Variants in GRK3 observed in about 807,000 individuals in gnomAD.
The protein encoded by GRK3 is G protein-coupled receptor kinase 3, also known as adrenergic, beta, receptor kinase 2.
In GRK3, 54 loss-of-function variants were observed where a neutral mutation model predicts 95.7. That is an observed-to-expected ratio of 0.56 (90% confidence interval 0.45 to 0.71). The LOEUF (loss-of-function observed/expected upper bound fraction) is 0.71, where lower values mean the gene tolerates loss of function less well. GRK3 is among the 30% of genes least tolerant of loss of function. The probability of loss-of-function intolerance (pLI) is 0.00; values close to 1 mark genes in which losing one functional copy is unlikely to be tolerated. For missense variants in GRK3, 649 were observed against 851.2 expected, an observed-to-expected ratio of 0.76 and a Z score of 2.96; for synonymous variants, 281 against 290.8, an observed-to-expected ratio of 0.97 and a Z score of 0.34.
At chr22:25,681,977 C>T (rs940303932) in intron 9 of GRK3, among the ~76,000 whole-genome samples, 1 of 152,150 alleles carries the variant, frequency 6.6e-6, no homozygotes, top group African/African-American at 2.4e-5. Context: ...CTGGACTCCA[C>T]ATGAAACCCA....
chr22:25,645,576 C>A (rs2084775243), intron 3 of GRK3, among the ~76,000 whole-genome samples: 1 of 152,166 alleles, frequency 6.6e-6, no homozygotes, highest in Admixed American at 6.5e-5. Flanking sequence ...GACTCCAGTG[C>A]TAAGGAAATA....
intron 1 of GRK3, among the ~76,000 whole-genome samples, chr22:25,591,633 C>T (rs1427476811): frequency 2.6e-5 from 4 of 151,972 alleles, no homozygotes; most frequent in Admixed American, 1.3e-4. Flanking sequence ...AAATTTCAAG[C>T]GTTTTTGGAG....
rs543174931 is a variant in GRK3, at chr22:25,624,115, CT to C, written c.190+19670del. The stretch of plus-strand genomic sequence containing the variant: ...TCAGGTACCCAGAACTTGCCTCCAT[CT>C]TTTTTTTCCTTATCTTTTAATTTCA... On this transcript the variant is annotated intron_variant, in intron 2 of 20. Transcript: ENST00000324198. Among the ~76,000 whole-genome samples, 95 of 152,126 alleles carry C rather than the reference CT, an allele frequency of 6.2e-4. 1 individual carries two copies. Among genetic ancestry groups the C allele is most frequent in the Admixed American group, 6.0e-3 (92 of 15,272 alleles).
chr22:25,718,111 A>G (rs1568941756), intron 18 of GRK3, 134 bp from the exon 19 acceptor site: 3 of 935,084 alleles, frequency 3.2e-6, no homozygotes, highest in Non-Finnish European at 4.9e-6. Flanking sequence ...TAAAATCGTG[A>G]CTTCTGTAAT....
intron 2 of GRK3, among the ~76,000 whole-genome samples, chr22:25,640,459 G>A (rs975051572): frequency 6.6e-6 from 1 of 152,198 alleles, no homozygotes; most frequent in Non-Finnish European, 1.5e-5. Context: ...ATAACACAGT[G>A]GCTCTTAGTA....
intron 13 of GRK3, among the ~76,000 whole-genome samples, chr22:25,698,261 G>A (rs531617323): frequency 4.6e-5 from 7 of 151,740 alleles, no homozygotes; most frequent in African/African-American, 1.7e-4. Context: ...GGGAAGGAAG[G>A]AAGGGAGAGA....
At chr22:25,646,010 A>T (rs1020285088) in intron 3 of GRK3, among the ~76,000 whole-genome samples, 1 of 152,086 alleles carries the variant, frequency 6.6e-6, no homozygotes, top group African/African-American at 2.4e-5. Flanking sequence ...TCATTGGATG[A>T]TGAGCTCCCT....
At position 25,668,416 on chromosome 22, in the gene GRK3, G is replaced by A. The variant is rs201071744; in HGVS notation, c.503+616G>A. Among the ~76,000 whole-genome samples the A allele has an allele frequency of 2.6e-4, 40 of 152,260 alleles. 1 individual carries two copies. The highest frequency in any genetic ancestry group is 1.7e-3 in the South Asian group (8 of 4,818). On this transcript the variant is annotated intron_variant, in intron 6 of 20. Coordinates refer to ENST00000324198, the MANE Select transcript of GRK3 (RefSeq NM_005160.4). ...CTTGGCTAATTTCTAGACAATATAC[G>A]TGATGATAATATCTCATGCTAGAGC...
intron 17 of GRK3, among the ~76,000 whole-genome samples, chr22:25,711,961 G>A (rs2085347474): frequency 6.6e-6 from 1 of 152,240 alleles, no homozygotes; most frequent in African/African-American, 2.4e-5. Flanking sequence ...AAATGCAAGG[G>A]CCTAGCAGGA....
intron 2 of GRK3, among the ~76,000 whole-genome samples, chr22:25,617,872 G>A (rs1029335985): frequency 1.3e-5 from 2 of 152,128 alleles, no homozygotes; most frequent in African/African-American, 4.8e-5. Flanking sequence ...TGCCTCCTGG[G>A]TTCAAGCGAT....
chr22:25,706,984 GCTAA>G (rs994665110), intron 15 of GRK3, among the ~76,000 whole-genome samples: 2 of 151,854 alleles, frequency 1.3e-5, no homozygotes, highest in African/African-American at 2.4e-5. Flanking sequence ...ACCATGCCTG[GCTAA>G]CTTTTTTTTT....
At chr22:25,672,992 A>C (rs1348114516) in intron 7 of GRK3, among the ~76,000 whole-genome samples, 2 of 150,580 alleles carry the variant, frequency 1.3e-5, no homozygotes, top group Non-Finnish European at 2.9e-5. Flanking sequence ...GCAATTGGGC[A>C]AAACAATCAA....
At chr22:25,584,975 C>A (rs1352820931) in intron 1 of GRK3, among the ~76,000 whole-genome samples, 2 of 152,290 alleles carry the variant, frequency 1.3e-5, no homozygotes, top group Admixed American at 1.3e-4. Flanking sequence ...CTGGAGAGGC[C>A]CAGTCACCAA....
chr22:25,578,124 T>A (rs147723942), intron 1 of GRK3, among the ~76,000 whole-genome samples: 5 of 152,264 alleles, frequency 3.3e-5, no homozygotes, highest in Non-Finnish European at 7.4e-5. Flanking sequence ...ATTGGAAGGT[T>A]ATTTGAAATT....
chr22:25,720,235 G>A (rs1392105607), intron 19 of GRK3, among the ~76,000 whole-genome samples: 2 of 152,104 alleles, frequency 1.3e-5, no homozygotes, highest in African/African-American at 4.8e-5. Context: ...AACATTGGAT[G>A]CAATAAATGA....
At chr22:25,657,465 A>G (rs559289016) in intron 3 of GRK3, among the ~76,000 whole-genome samples, 1 of 152,250 alleles carries the variant, frequency 6.6e-6, no homozygotes, top group African/African-American at 2.4e-5. Flanking sequence ...ACTTCACTGG[A>G]TATTAATACA....
chr22:25,690,159 C>T (rs1023483215), intron 11 of GRK3, 30 bp from the exon 12 acceptor site: 40 of 1,568,978 alleles, frequency 2.5e-5, no homozygotes, highest in African/African-American at 6.8e-5. Context: ...TTGGGGCACT[C>T]TTATTAAAGA....
In GRK3 at chr22:25,607,098, G is replaced by A. The variant is rs1323573019; in HGVS notation, c.190+2645G>A. 1.7e-4 allele frequency among the ~76,000 whole-genome samples: 25 copies of A among 151,514 alleles called. 1 individual carries two copies. The highest frequency in any genetic ancestry group is 4.4e-4 in the African/African-American group (18 of 41,324). On this transcript the variant is annotated intron_variant, in intron 2 of 20. Transcript: ENST00000324198. ...TATGTATGTGTTTGTGTGTGTGTGT[G>A]TATATATATATATTTACATCACCTA...
chr22:25,673,008 ATTTTTTT>A (rs3884806), intron 7 of GRK3, among the ~76,000 whole-genome samples: 8 of 110,520 alleles, frequency 7.2e-5, no homozygotes, highest in African/African-American at 1.1e-4. Flanking sequence ...ATCAACCGGA[ATTTTTTT>A]TTTTTTTTTT....
Sources: gnomAD v4.1 joint callset for allele counts (sites outside exome capture counted in the v4.1 genomes callset) on GRCh38, gnomAD v4.1.1 for gene constraint, MANE v1.5 for transcripts, NCBI Gene and HGNC (gene_info 2026-07-23, HGNC 2026-07-21) for gene names.